Variants in PCSK6 observed in about 807,000 individuals in gnomAD.
The protein encoded by PCSK6 is proprotein convertase subtilisin/kexin type 6.
Under a neutral mutation model 123.3 loss-of-function variants are expected in PCSK6, and 85 were observed. That is an observed-to-expected ratio of 0.69 (90% CI 0.58 to 0.83). The LOEUF (loss-of-function observed/expected upper bound fraction) is 0.83. Among genes scored for constraint, PCSK6 ranks in the 40% least tolerant of loss-of-function variants. The pLI is 0.00. For missense variants in PCSK6, 1,191 were observed against 1,282.3 expected (o/e 0.93, Z 1.09); for synonymous variants, 508 against 516.0 (o/e 0.98, Z 0.21).
intron 12 of PCSK6, 56 bp from the exon 13 acceptor site, chr15:101,366,388 G>A (rs1024613401): frequency 1.5e-5 from 24 of 1,554,622 alleles, no homozygotes; most frequent in South Asian, 1.3e-4. Flanking sequence ...GTGGCTGGGC[G>A]GAGGGGCTGG....
intron 18 of PCSK6, 128 bp from the exon 19 acceptor site, chr15:101,318,550 T>C: frequency 1.3e-6 from 1 of 790,112 alleles, no homozygotes; most frequent in Non-Finnish European, 2.1e-6. Context: ...CCGAAAGTTC[T>C]CAGCTAAGGA....
chr15:101,454,209 C>A (rs549710259), intron 1 of PCSK6, among the ~76,000 whole-genome samples: 57 of 152,330 alleles, frequency 3.7e-4, no homozygotes, highest in African/African-American at 1.3e-3. Context: ...CAAGTTATCC[C>A]AAGGGAAATC....
At chr15:101,483,404 A>T (rs763082566) in intron 1 of PCSK6, among the ~76,000 whole-genome samples, 10 of 152,190 alleles carry the variant, frequency 6.6e-5, no homozygotes, top group Non-Finnish European at 1.3e-4. Context: ...TTTAAGTAAA[A>T]CTATTTAAGG....
intron 1 of PCSK6, among the ~76,000 whole-genome samples, chr15:101,471,281 A>T (rs944028008): frequency 4.6e-5 from 7 of 152,214 alleles, no homozygotes; most frequent in Non-Finnish European, 7.3e-5. Context: ...AAAGGCTTCT[A>T]ATCCTCATCT....
chr15:101,474,377 C>T (rs373169376), intron 1 of PCSK6, among the ~76,000 whole-genome samples: 9 of 152,194 alleles, frequency 5.9e-5, no homozygotes, highest in Non-Finnish European at 1.3e-4. Flanking sequence ...CTGTGACCCT[C>T]GGAGAGGACA....
At position 101,305,548 on chromosome 15, in the gene PCSK6, TA is replaced by T. The variant is rs1296313985; in HGVS notation, c.2813-194del. 2.0e-6 allele frequency: 1 copy of T among 508,296 alleles called. No homozygotes were observed. Among genetic ancestry groups the T allele is most frequent in the Non-Finnish European group, 3.6e-6 (1 of 279,612 alleles). The allele number at this position is 508,296 out of a possible 1,614,324, so 31.5% of individuals were successfully genotyped here. A position where few individuals can be genotyped will look rare whatever the true frequency, so the allele number is the denominator to read the frequency against. On this transcript the variant is annotated intron_variant, in intron 21 of 21. Transcript: ENST00000611716. The surrounding 1 kb of genome is among the most constrained non-coding windows in gnomAD (Gnocchi z 4.8). ...CATGGTGAAACCCCGTCTCTACTAA[TA>T]ATATAAAAATTAGCTGGGCATGGTG...
intron 1 of PCSK6, among the ~76,000 whole-genome samples, chr15:101,468,400 T>C (rs993832164): frequency 6.6e-6 from 1 of 152,236 alleles, no homozygotes; most frequent in Non-Finnish European, 1.5e-5. Flanking sequence ...TGCATCTGAA[T>C]ACATTCCTAG....
chr15:101,445,579 C>T (rs943535679), intron 1 of PCSK6, among the ~76,000 whole-genome samples: 2 of 152,242 alleles, frequency 1.3e-5, no homozygotes, highest in Admixed American at 6.5e-5. Context: ...AAGTTAACTG[C>T]CACACGTGTC....
rs1469701946 is a variant in PCSK6, at chr15:101,370,442, G to A, written c.1614C>T (p.Tyr538=). 1.9e-6 allele frequency: 3 copies of A among 1,551,524 alleles called. No individual in the cohort carries two copies. The highest frequency in any genetic ancestry group is 1.7e-6 in the Non-Finnish European group (2 of 1,146,924). Residue 538 remains tyrosine (Y), a synonymous_variant, in exon 12 of 22, where the codon TAC becomes TAT. Coordinates refer to ENST00000611716, the MANE Select transcript of PCSK6 (RefSeq NM_002570.5). ...AGGTGCGAACCACCACGTGCTCCAA[G>A]TAGACCACCCGCTGGTCCGAGTGCT... is the stretch of plus-strand genomic sequence containing the variant. ...CAEHSDQRVV[Y]LEHVVVRTSI... is the part of the protein sequence containing the mutation.
In PCSK6 at chr15:101,359,869, G is replaced by A. The variant is rs773908944; in HGVS notation, c.1858+6327C>T. Among the ~76,000 whole-genome samples, 8 of 152,164 alleles carry A rather than the reference G, an allele frequency of 5.3e-5. 1 individual carries two copies. The highest frequency in any genetic ancestry group is 1.0e-4 in the Non-Finnish European group (7 of 68,026). ...TGACGATACTTAATATACCTAATCC[G>A]AATTTGGATTTCTAGCTCAGTCTTC... On this transcript the variant is annotated intron_variant, in intron 13 of 21. Transcript: ENST00000611716.
intron 13 of PCSK6, among the ~76,000 whole-genome samples, chr15:101,332,873 G>C (rs2040399524): frequency 6.6e-6 from 1 of 152,148 alleles, no homozygotes; most frequent in Admixed American, 6.5e-5. Flanking sequence ...GCAATTTCCA[G>C]GTGAATTCCT....
chr15:101,416,100 A>G (rs934968278), intron 6 of PCSK6, among the ~76,000 whole-genome samples: 2 of 152,228 alleles, frequency 1.3e-5, no homozygotes, highest in African/African-American at 4.8e-5. Flanking sequence ...GAAGACAGGA[A>G]AATGTGGGAA....
chr15:101,407,194 G>A (rs754680678), intron 6 of PCSK6, among the ~76,000 whole-genome samples: 8 of 152,150 alleles, frequency 5.3e-5, no homozygotes, highest in Admixed American at 1.3e-4. Flanking sequence ...GCGGAATGTC[G>A]GCTCTGCATG....
At chr15:101,446,873 T>C (rs1393729853) in intron 1 of PCSK6, among the ~76,000 whole-genome samples, 1 of 152,192 alleles carries the variant, frequency 6.6e-6, no homozygotes, top group East Asian at 1.9e-4. Flanking sequence ...CCTTGTCAGA[T>C]GCTCCAAGAG....
intron 6 of PCSK6, among the ~76,000 whole-genome samples, chr15:101,403,423 A>G (rs1373533979): frequency 5.5e-5 from 5 of 91,550 alleles, no homozygotes; most frequent in Non-Finnish European, 1.3e-4. Flanking sequence ...AAGTATAATA[A>G]TAATTAAAAA....
chr15:101,328,217 G>C (rs2040302607), intron 15 of PCSK6, among the ~76,000 whole-genome samples: 1 of 152,244 alleles, frequency 6.6e-6, no homozygotes, highest in Non-Finnish European at 1.5e-5. Flanking sequence ...CTTCTCTCCT[G>C]CCTTTTCCTG....
At chr15:101,473,523 G>A (rs1428333516) in intron 1 of PCSK6, among the ~76,000 whole-genome samples, 1 of 152,180 alleles carries the variant, frequency 6.6e-6, no homozygotes, top group East Asian at 1.9e-4. Flanking sequence ...TGAAAAAGCA[G>A]GCAAGCAAAC....
intron 2 of PCSK6, among the ~76,000 whole-genome samples, chr15:101,442,217 C>T (rs993158967): frequency 1.6e-4 from 24 of 152,186 alleles, no homozygotes; most frequent in Non-Finnish European, 2.5e-4. Context: ...CAAGCACAGC[C>T]ATCCCTTAGT....
chr15:101,399,361 C>T (rs2042518095), intron 6 of PCSK6, among the ~76,000 whole-genome samples: 1 of 152,204 alleles, frequency 6.6e-6, no homozygotes, highest in South Asian at 2.1e-4. Flanking sequence ...GCCCGCACCC[C>T]AGGTTGCAAT....
Sources: gnomAD v4.1 joint callset for allele counts (sites outside exome capture counted in the v4.1 genomes callset) on GRCh38, gnomAD v4.1.1 for gene constraint, Gnocchi (gnomAD v3.1) non-coding constraint, MANE v1.5 for transcripts, NCBI Gene and HGNC (gene_info 2026-07-23, HGNC 2026-07-21) for gene names.